EYS: variants seen among roughly 807,000 people sequenced by gnomAD.
The protein encoded by EYS is protein eyes shut homolog.
In EYS, 250 loss-of-function variants were observed where a neutral mutation model predicts 282.1. That is an observed-to-expected ratio of 0.89 (90% CI 0.80 to 0.98). The LOEUF is 0.98. Among genes scored for constraint, EYS ranks in the 50% least tolerant of loss-of-function variants. The probability of loss-of-function intolerance (pLI) is 0.00; values close to 1 mark genes in which losing one functional copy is unlikely to be tolerated. For synonymous variants in EYS, 1,355 were observed against 1,282.9 expected (o/e 1.06, Z -1.20); for missense variants, 4,016 against 3,709.0 (o/e 1.08, Z -2.15).
intron 10 of EYS, among the ~76,000 whole-genome samples, chr6:65,338,855 T>C (rs1330087538): frequency 2.0e-5 from 3 of 151,128 alleles, no homozygotes; most frequent in Non-Finnish European, 4.5e-5. Context: ...TGTAGAGAAA[T>C]TAACCTTCCT....
intron 22 of EYS, among the ~76,000 whole-genome samples, chr6:64,807,690 A>C (rs1764474156): frequency 6.6e-6 from 1 of 152,124 alleles, no homozygotes; most frequent in Admixed American, 6.6e-5. Context: ...TACATTACTA[A>C]AAATAAGTTT....
At chr6:65,302,241 T>A (rs3864288) in intron 11 of EYS, among the ~76,000 whole-genome samples, 1,885 of 138,104 alleles carry the variant, frequency 0.014, no homozygotes, top group African/African-American at 0.038. Flanking sequence ...AGAGGTTTTC[T>A]TGGCAATGTG....
chr6:64,649,808 A>G (rs1269230902), intron 22 of EYS, among the ~76,000 whole-genome samples: 1 of 152,180 alleles, frequency 6.6e-6, no homozygotes, highest in Non-Finnish European at 1.5e-5. Context: ...AGTGAACAAA[A>G]AATTAGGATT....
At chr6:65,431,360 C>T (rs991929258) in intron 5 of EYS, among the ~76,000 whole-genome samples, 75 of 152,216 alleles carry the variant, frequency 4.9e-4, no homozygotes, top group African/African-American at 1.7e-3. Flanking sequence ...ACTTCACTTT[C>T]ACTTTAATTG....
chr6:65,383,850 T>C (rs1765705802), intron 8 of EYS, among the ~76,000 whole-genome samples: 1 of 151,940 alleles, frequency 6.6e-6, no homozygotes, highest in Admixed American at 6.6e-5. Flanking sequence ...ATTTACCAGG[T>C]TTAGTTTCAG....
intron 1 of EYS, among the ~76,000 whole-genome samples, chr6:65,646,623 A>G (rs73455525): frequency 0.026 from 3,944 of 152,314 alleles, 165 homozygotes; most frequent in African/African-American, 0.089. Flanking sequence ...CACGACTAGC[A>G]TGCCCACTTT....
At chr6:64,304,623 G>C (rs1769369529) in intron 30 of EYS, among the ~76,000 whole-genome samples, 1 of 88,334 alleles carries the variant, frequency 1.1e-5, no homozygotes, top group Non-Finnish European at 2.4e-5. Flanking sequence ...TATATGTTAG[G>C]CCACAAATTA....
chr6:64,789,975 T>C (rs1052427019), intron 22 of EYS, among the ~76,000 whole-genome samples: 3 of 151,906 alleles, frequency 2.0e-5, no homozygotes, highest in African/African-American at 7.2e-5. Context: ...AATATATCAT[T>C]AGATTTGTTC....
At chr6:64,080,900 T>C (rs183320103) in intron 32 of EYS, among the ~76,000 whole-genome samples, 105 of 152,284 alleles carry the variant, frequency 6.9e-4, no homozygotes, top group African/African-American at 2.5e-3. Flanking sequence ...GGCTGTGTTC[T>C]GTTCCATTGG....
rs150709616 is a variant in EYS, at chr6:64,017,129, T to C, written c.6726-17946A>G. On this transcript the variant is annotated intron_variant, in intron 33 of 42. Coordinates refer to ENST00000503581, the MANE Select transcript of EYS (RefSeq NM_001142800.2). ...GAGTGCAAAGGCAAGGAGGGAAAGC[T>C]GAAAGCAAAATCTGTTGAGACCCCA... Among the ~76,000 whole-genome samples, 551 of 152,022 alleles carry C rather than the reference T, an allele frequency of 3.6e-3. 2 individuals are homozygous for C. The highest frequency in any genetic ancestry group is 0.012 in the African/African-American group (512 of 41,468).
intron 22 of EYS, among the ~76,000 whole-genome samples, chr6:64,767,055 A>G (rs906167858): frequency 6.6e-6 from 1 of 150,964 alleles, no homozygotes. Flanking sequence ...TTATATTCAC[A>G]TGAGCTATAT....
intron 5 of EYS, among the ~76,000 whole-genome samples, chr6:65,414,195 G>A (rs1246307879): frequency 3.9e-5 from 6 of 152,242 alleles, no homozygotes; most frequent in South Asian, 2.1e-4. Context: ...GAAACAGAAC[G>A]AAAGCTAAGA....
chr6:64,496,262 C>A (rs1776886749), intron 26 of EYS, among the ~76,000 whole-genome samples: 1 of 151,836 alleles, frequency 6.6e-6, no homozygotes, highest in African/African-American at 2.4e-5. Context: ...GAGAAAGTAG[C>A]ACAATTAGCA....
At chr6:65,399,761 G>T (rs1360408920) in intron 7 of EYS, among the ~76,000 whole-genome samples, 1 of 151,954 alleles carries the variant, frequency 6.6e-6, no homozygotes, top group Non-Finnish European at 1.5e-5. Context: ...AACCAATGCA[G>T]GGAATTATTG....
At chr6:64,106,455 CTT>C (rs759040199) in intron 31 of EYS, among the ~76,000 whole-genome samples, 21 of 151,864 alleles carry the variant, frequency 1.4e-4, no homozygotes, top group Non-Finnish European at 2.5e-4. Flanking sequence ...TTTCTGAACA[CTT>C]TAAATATTTC....
chr6:63,986,787 G>C (rs1767388001), intron 34 of EYS, among the ~76,000 whole-genome samples: 1 of 151,686 alleles, frequency 6.6e-6, no homozygotes, highest in South Asian at 2.1e-4. Context: ...GAGGGTAAAG[G>C]GTAGGAGGAG....
chr6:64,701,630 T>C (rs986220377), intron 22 of EYS, among the ~76,000 whole-genome samples: 1 of 152,052 alleles, frequency 6.6e-6, no homozygotes, highest in Non-Finnish European at 1.5e-5. Context: ...CTCACTTAAA[T>C]TGTGAACTAA....
intron 26 of EYS, among the ~76,000 whole-genome samples, chr6:64,550,316 A>G (rs2149805024): frequency 6.6e-6 from 1 of 152,242 alleles, no homozygotes; most frequent in Non-Finnish European, 1.5e-5. Context: ...CGCCACTCTG[A>G]CTTCCATAAT....
intron 2 of EYS, among the ~76,000 whole-genome samples, chr6:65,566,152 T>G: frequency 6.6e-6 from 1 of 152,022 alleles, no homozygotes; most frequent in African/African-American, 2.4e-5. Context: ...GGGCAAAATG[T>G]TGGAATTTGA....
Sources: allele counts gnomAD v4.1 joint callset (sites outside exome capture counted in the v4.1 genomes callset), GRCh38; gene constraint gnomAD v4.1.1; transcripts MANE v1.5; gene names NCBI Gene and HGNC (gene_info 2026-07-23, HGNC 2026-07-21).